The following CLIP4 variants were observed in gnomAD, a reference collection of about 807,000 sequenced individuals.
CLIP4 encodes CAP-Gly domain-containing linker protein 4.
CLIP4 carries 47 observed loss-of-function variants against 73.1 expected under a neutral mutation model. That is an observed-to-expected ratio of 0.64 (90% confidence interval 0.51 to 0.82). The LOEUF is 0.82. Ranked by LOEUF, CLIP4 falls within the 40% of genes least tolerant of loss-of-function variation. The pLI is 0.00. For synonymous variants in CLIP4, 306 were observed against 295.4 expected (o/e 1.04, Z -0.37); for missense variants, 874 against 852.9 (o/e 1.02, Z -0.31).
chr2:29,151,988 T>C (rs1231722065), intron 8 of CLIP4, among the ~76,000 whole-genome samples: 2 of 152,154 alleles, frequency 1.3e-5, no homozygotes, highest in Admixed American at 1.3e-4. Flanking sequence ...GTATTGTTTC[T>C]GATTGTCAGG....
At chr2:29,114,742 C>CAGA (rs1179745228), upstream of CLIP4, 5 of 152,312 alleles carry the variant, frequency 3.3e-5, no homozygotes, top group African/African-American at 1.2e-4. Flanking sequence ...GCGCTGAACA[C>CAGA]AGAAGTACAG....
chr2:29,145,518 A>T, intron 8 of CLIP4, 151 bp downstream of exon 8: 1 of 614,206 alleles, frequency 1.6e-6, no homozygotes, highest in Non-Finnish European at 2.7e-6. Context: ...AAGATAGGAG[A>T]TAGTTATATT....
intron 14 of CLIP4, among the ~76,000 whole-genome samples, chr2:29,168,099 C>T (rs549887537): frequency 6.6e-6 from 1 of 152,286 alleles, no homozygotes; most frequent in South Asian, 2.1e-4. Context: ...CTGCCATGGA[C>T]CAGAGCCTCT....
chr2:29,176,524 C>T (rs569762988), intron 15 of CLIP4, among the ~76,000 whole-genome samples: 15 of 152,128 alleles, frequency 9.9e-5, no homozygotes, highest in Admixed American at 3.9e-4. Flanking sequence ...TTCTCGATCA[C>T]GTATAGAAAT....
chr2:29,101,300 C>CAAAAAAAAA (rs1174781959), intron 1 of CLIP4, among the ~76,000 whole-genome samples: 2 of 83,554 alleles, frequency 2.4e-5, no homozygotes. Context: ...CCCCCCAAAA[C>CAAAAAAAAA]AAAAAAAAAA....
rs1363302417 is a variant in CLIP4, at chr2:29,175,967, T to C, written c.1796+1522T>C. 2.6e-5 allele frequency among the ~76,000 whole-genome samples: 4 copies of C among 152,318 alleles called. No homozygotes were observed. The East Asian group carries it at 5.8e-4, about 22-fold the overall frequency. ...TAGTAGAGACGGGATTTCACTGTGTTAGCCAGGATGGTCTCGATCTCCTGA... is the reference window on the plus strand; with the variant it reads ...TAGTAGAGACGGGATTTCACTGTGTCAGCCAGGATGGTCTCGATCTCCTGA... On this transcript the variant is annotated intron_variant, in intron 15 of 15. Coordinates refer to ENST00000320081, the MANE Select transcript of CLIP4 (RefSeq NM_024692.6).
At chr2:29,134,937 C>T (rs1665240653) in intron 5 of CLIP4, among the ~76,000 whole-genome samples, 1 of 151,952 alleles carries the variant, frequency 6.6e-6, no homozygotes, top group South Asian at 2.1e-4. Context: ...TTTGAAAATT[C>T]TGCTTTGTTT....
Position 29,156,442 on chromosome 2 carries a change from T to C in CLIP4, c.1254T>C (p.Asp418=). The change falls in exon 10 of 16, where the codon GAT becomes GAC. Residue 418 remains aspartate (D), a splice_region_variant and synonymous_variant. Coordinates refer to ENST00000320081, the MANE Select transcript of CLIP4 (RefSeq NM_024692.6). ...GEELKTVTEK[D]VALLGSVSSC... The stretch of plus-strand genomic sequence containing the variant: ...AACTTAAAACTGTGACAGAGAAAGA[T>C]GGTAATATACCTTGTAACCTCTGTT... The C allele has an allele frequency of 2.6e-6, 4 of 1,565,908 alleles. No homozygotes were observed. Among genetic ancestry groups the C allele is most frequent in the South Asian group, 1.2e-5 (1 of 83,558 alleles).
Position 29,131,350 on chromosome 2 carries a change from C to G in CLIP4, c.226C>G (p.Gln76Glu). 5 of 1,609,436 alleles carry G rather than the reference C, an allele frequency of 3.1e-6. No homozygotes were observed. Among genetic ancestry groups the G allele is most frequent in the Non-Finnish European group, 4.2e-6 (5 of 1,178,328 alleles). Residue 76 changes from glutamine (Q) to glutamate (E), a missense_variant, in exon 3 of 16, where the codon CAG becomes GAG. Coordinates refer to ENST00000320081, the MANE Select transcript of CLIP4 (RefSeq NM_024692.6). ...TTCAGAATTATTTGCCATTTTGAGA[C>G]AGTGGGTTCCTCAGGTCCAACAAAA... ...SVSELFAILR[Q>E]WVPQVQQNID... is the part of the protein sequence containing the mutation.
In CLIP4 at chr2:29,143,817, G is replaced by A; in HGVS notation, c.757G>A (p.Asp253Asn). ...TAAGGAAATCAAGCAGATGCTTCTA[G>A]ATGCGGTGCCTCTGTCATGTAACAT... The part of the protein sequence containing the change: ...TAKEIKQMLL[D>N]AVPLSCNISK... Residue 253 changes from aspartate to asparagine, a missense_variant, in exon 7 of 16, where the codon GAT becomes AAT. Physicochemically the swap from Asp to Asn is conservative, Grantham distance 23. Transcript: ENST00000320081. 1 of 1,614,190 alleles carries A rather than the reference G, an allele frequency of 6.2e-7. No individual in the cohort carries two copies. Among genetic ancestry groups the A allele is most frequent in the Non-Finnish European group, 8.5e-7 (1 of 1,180,004 alleles).
chr2:29,118,985 T>A (rs893893239), intron 1 of CLIP4, among the ~76,000 whole-genome samples: 13 of 152,210 alleles, frequency 8.5e-5, no homozygotes, highest in African/African-American at 3.1e-4. Context: ...GATCCAGGAA[T>A]TGCTTTTAGG....
At position 29,152,804 on chromosome 2, in the gene CLIP4, C is replaced by T. The variant is rs770201491; in HGVS notation, c.1141C>T (p.His381Tyr). The T allele has an allele frequency of 1.9e-6, 3 of 1,613,600 alleles. No individual in the cohort carries two copies. The highest frequency in any genetic ancestry group is 2.5e-6 in the Non-Finnish European group (3 of 1,179,742). ...LIRSQKIDVA[H>Y]VTSKVNTGLM... ...CAGGTCCCAGAAAATTGACGTAGCTCATGTGACGTCAAAAGTAAATACTGG... is the reference window on the plus strand; with the variant it reads ...CAGGTCCCAGAAAATTGACGTAGCTTATGTGACGTCAAAAGTAAATACTGG... The change falls in exon 9 of 16, where the codon CAT becomes TAT. Residue 381 changes from histidine (H) to tyrosine (Y), a missense_variant. By Grantham distance (83) the His-to-Tyr change is moderately conservative. Coordinates refer to ENST00000320081, the MANE Select transcript of CLIP4 (RefSeq NM_024692.6).
intron 11 of CLIP4, among the ~76,000 whole-genome samples, chr2:29,158,901 C>T (rs1038513418): frequency 6.6e-6 from 1 of 152,170 alleles, no homozygotes; most frequent in Non-Finnish European, 1.5e-5. Context: ...TCCTAAAGTG[C>T]TGGGATTTAC....
At chr2:29,169,976 G>A (rs562041315) in intron 14 of CLIP4, among the ~76,000 whole-genome samples, 1 of 152,090 alleles carries the variant, frequency 6.6e-6, no homozygotes, top group Non-Finnish European at 1.5e-5. Context: ...AAGATCCACT[G>A]TTTTAGCTCC....
At chr2:29,132,278 G>GCTTAGATAA in intron 4 of CLIP4, 33 bp downstream of exon 4, 5 of 1,514,650 alleles carry the variant, frequency 3.3e-6, no homozygotes, top group Non-Finnish European at 3.7e-6. Context: ...AGTTGCTTAT[G>GCTTAGATAA]TCATCTGCAC....
intron 1 of CLIP4, among the ~76,000 whole-genome samples, chr2:29,116,459 G>T (rs1025925720): frequency 1.3e-5 from 2 of 152,230 alleles, no homozygotes; most frequent in Non-Finnish European, 2.9e-5. Flanking sequence ...AAAGGTTTCA[G>T]TAAACACCTT....
chr2:29,171,032 C>G (rs1260386893), intron 14 of CLIP4, among the ~76,000 whole-genome samples: 1 of 152,126 alleles, frequency 6.6e-6, no homozygotes, highest in East Asian at 1.9e-4. Flanking sequence ...TGAGTAGTGT[C>G]AATCCTCTGG....
chr2:29,175,228 C>G (rs1668256655), intron 15 of CLIP4: 1 of 152,240 alleles, frequency 6.6e-6, no homozygotes, highest in South Asian at 2.1e-4. Context: ...TGGCAAGCTT[C>G]ACAGAGATCT....
At chr2:29,158,876 C>A (rs1278074860) in intron 11 of CLIP4, among the ~76,000 whole-genome samples, 1 of 152,214 alleles carries the variant, frequency 6.6e-6, no homozygotes, top group African/African-American at 2.4e-5. Flanking sequence ...CCCAGGTGAT[C>A]TTCCTACCTT....
Sources: allele counts gnomAD v4.1 joint callset (sites outside exome capture counted in the v4.1 genomes callset), GRCh38; gene constraint gnomAD v4.1.1; transcripts MANE v1.5; gene names NCBI Gene and HGNC (gene_info 2026-07-23, HGNC 2026-07-21).